The following NRXN1 variants were observed in gnomAD, a reference collection of about 807,000 sequenced individuals.
The protein encoded by NRXN1 is neurexin-1.
NRXN1 carries 39 observed loss-of-function variants against 150.9 expected under a neutral mutation model. The ratio of observed to expected loss-of-function variants is 0.26; its 90% CI spans 0.20 to 0.34. The LOEUF (loss-of-function observed/expected upper bound fraction) is 0.34, where lower values mean the gene tolerates loss of function less well. Ranked by LOEUF, NRXN1 falls within the 10% of genes least tolerant of loss-of-function variation. The pLI, the probability that NRXN1 is intolerant of heterozygous loss-of-function variation, is 1.00. For synonymous variants in NRXN1, 924 were observed against 757.0 expected, an observed-to-expected ratio of 1.22 and a Z score of -3.62; for missense variants, 1,815 against 1,949.9, an observed-to-expected ratio of 0.93 and a Z score of 1.30.
intron 18 of NRXN1, among the ~76,000 whole-genome samples, chr2:50,170,757 G>A (rs1296259184): frequency 4.4e-5 from 2 of 45,270 alleles, no homozygotes; most frequent in African/African-American, 2.5e-4. Context: ...TCTGTCTGTC[G>A]TGTGTGTGTG....
rs913878857 is a variant in NRXN1, at chr2:50,934,172, T to C, written c.773-8217A>G. Among the ~76,000 whole-genome samples, 9 of 152,116 alleles carry C rather than the reference T, an allele frequency of 5.9e-5. 1 individual carries two copies. The highest frequency in any genetic ancestry group is 1.3e-4 in the Non-Finnish European group (9 of 68,000). The stretch of plus-strand genomic sequence containing the variant: ...TATGTGTATACATATACACACCCAA[T>C]TGGTATTTCATTTCATAAACAAATC... On this transcript the variant is annotated intron_variant, in intron 2 of 22. Coordinates refer to ENST00000401669, the MANE Select transcript of NRXN1 (RefSeq NM_001330078.2).
intron 17 of NRXN1, among the ~76,000 whole-genome samples, chr2:50,239,796 C>T (rs1574675621): frequency 6.9e-6 from 1 of 145,484 alleles, no homozygotes; most frequent in Non-Finnish European, 1.5e-5. Flanking sequence ...TTATCAAGGC[C>T]AACTGTTATC....
intron 5 of NRXN1, among the ~76,000 whole-genome samples, chr2:50,769,381 C>A (rs1366189720): frequency 2.0e-5 from 3 of 152,060 alleles, no homozygotes; most frequent in Non-Finnish European, 4.4e-5. Flanking sequence ...CATCATTTCC[C>A]TAGGGCAAGG....
At chr2:50,002,302 A>C (rs534756395) in intron 21 of NRXN1, among the ~76,000 whole-genome samples, 4 of 152,138 alleles carry the variant, frequency 2.6e-5, no homozygotes, top group Non-Finnish European at 5.9e-5. Flanking sequence ...AAGGGAGGAA[A>C]CGAAAAAGCT....
chr2:50,765,837 T>C (rs759673654), intron 5 of NRXN1, among the ~76,000 whole-genome samples: 1 of 152,004 alleles, frequency 6.6e-6, no homozygotes, highest in Non-Finnish European at 1.5e-5. Context: ...GAATCTATTA[T>C]GGGATAAGAA....
At chr2:50,314,684 A>G (rs1238718113) in intron 17 of NRXN1, among the ~76,000 whole-genome samples, 1 of 152,086 alleles carries the variant, frequency 6.6e-6, no homozygotes, top group Non-Finnish European at 1.5e-5. Context: ...TGCAAATGAA[A>G]AAAAAGAATA....
At position 50,991,390 on chromosome 2, in the gene NRXN1, C is replaced by A. The variant is rs542250473; in HGVS notation, c.772+36112G>T. Among the ~76,000 whole-genome samples, 10 of 152,110 alleles carry A rather than the reference C, an allele frequency of 6.6e-5. No individual in the cohort carries two copies. In the South Asian group the frequency reaches 1.9e-3, roughly 28 times the overall value. The stretch of plus-strand genomic sequence containing the variant: ...AGATCCAACTGCAGTAGTACCTCAT[C>A]AAAATGGATGCTTGTGATGATGGAG... On this transcript the variant is annotated intron_variant, in intron 2 of 22. Coordinates refer to ENST00000401669, the MANE Select transcript of NRXN1 (RefSeq NM_001330078.2).
chr2:50,836,983 T>C (rs1220150771), intron 5 of NRXN1, among the ~76,000 whole-genome samples: 1 of 152,024 alleles, frequency 6.6e-6, no homozygotes, highest in Non-Finnish European at 1.5e-5. Context: ...ATCCTGAGCA[T>C]ATGGTCATGT....
chr2:50,382,662 T>C (rs1429100537), intron 17 of NRXN1, among the ~76,000 whole-genome samples: 2 of 152,154 alleles, frequency 1.3e-5, no homozygotes, highest in African/African-American at 2.4e-5. Flanking sequence ...TAGAGAGTTA[T>C]GAAACTCCAA....
chr2:50,517,196 T>C (rs2092655309), intron 12 of NRXN1, among the ~76,000 whole-genome samples: 1 of 152,138 alleles, frequency 6.6e-6, no homozygotes, highest in Non-Finnish European at 1.5e-5. Flanking sequence ...TTAATGCATC[T>C]TAATAACGCA....
At chr2:50,512,135 C>T (rs2092473705) in intron 12 of NRXN1, among the ~76,000 whole-genome samples, 1 of 151,984 alleles carries the variant, frequency 6.6e-6, no homozygotes, top group Non-Finnish European at 1.5e-5. Context: ...CTTAGAAGGA[C>T]CAAAACTACC....
chr2:50,446,883 G>T (rs1054040223), intron 17 of NRXN1, among the ~76,000 whole-genome samples: 3 of 151,930 alleles, frequency 2.0e-5, no homozygotes, highest in African/African-American at 4.8e-5. Flanking sequence ...TTATTCAATG[G>T]CCAAGCCCAA....
chr2:50,611,459 G>T (rs140629765), intron 8 of NRXN1, among the ~76,000 whole-genome samples: 240 of 152,256 alleles, frequency 1.6e-3, no homozygotes, highest in African/African-American at 5.7e-3. Context: ...ATGCTTTGTG[G>T]ACTGAAGAGC....
At chr2:50,868,104 T>A (rs1386565809) in intron 5 of NRXN1, among the ~76,000 whole-genome samples, 1 of 135,270 alleles carries the variant, frequency 7.4e-6, no homozygotes, top group Non-Finnish European at 1.6e-5. Flanking sequence ...TTAATCAACC[T>A]ATGTGTCCAT....
intron 2 of NRXN1, among the ~76,000 whole-genome samples, chr2:50,984,050 CT>C (rs1340439581): frequency 4.0e-5 from 6 of 151,864 alleles, no homozygotes; most frequent in Non-Finnish European, 8.8e-5. Flanking sequence ...TCACTGCAAC[CT>C]CCACCTCCTG....
intron 2 of NRXN1, among the ~76,000 whole-genome samples, chr2:50,999,741 A>T (rs1338380673): frequency 6.6e-6 from 1 of 151,860 alleles, no homozygotes; most frequent in Admixed American, 6.6e-5. Flanking sequence ...CTTTTCTTCC[A>T]TTTCCACTCT....
chr2:50,637,873 T>A (rs1336048577), intron 5 of NRXN1, among the ~76,000 whole-genome samples: 1 of 150,534 alleles, frequency 6.6e-6, no homozygotes, highest in Non-Finnish European at 1.5e-5. Flanking sequence ...AGATCTAGTA[T>A]TTAAAAAAAA....
intron 5 of NRXN1, among the ~76,000 whole-genome samples, chr2:50,885,609 G>C (rs1282868201): frequency 1.3e-5 from 2 of 151,286 alleles, no homozygotes; most frequent in Non-Finnish European, 1.5e-5. Flanking sequence ...TAAAAATGAA[G>C]TTGTCCCAGG....
At chr2:50,669,895 A>T (rs1187126321) in intron 5 of NRXN1, among the ~76,000 whole-genome samples, 3 of 151,780 alleles carry the variant, frequency 2.0e-5, no homozygotes, top group African/African-American at 4.8e-5. Context: ...GGAATTAATC[A>T]GACCTCAAAT....
Sources: gnomAD v4.1 joint callset for allele counts (sites outside exome capture counted in the v4.1 genomes callset) on GRCh38, gnomAD v4.1.1 for gene constraint, MANE v1.5 for transcripts, NCBI Gene and HGNC (gene_info 2026-07-23, HGNC 2026-07-21) for gene names.